Variants in GPRIN3 observed in about 807,000 individuals in gnomAD.
GPRIN3 encodes the protein GPRIN family member 3.
In GPRIN3, 12 loss-of-function variants were observed where a neutral mutation model predicts 13.7. That is an observed-to-expected ratio of 0.87 (90% confidence interval 0.56 to 1.42). The LOEUF (loss-of-function observed/expected upper bound fraction) is 1.42, where lower values mean the gene tolerates loss of function less well. Ranked by LOEUF, GPRIN3 falls within the 40% of genes most tolerant of loss-of-function variation. GPRIN3 has a pLI of 0.00. For synonymous variants in GPRIN3, 377 were observed against 372.7 expected (o/e 1.01, Z -0.13); for missense variants, 1,009 against 958.7 (o/e 1.05, Z -0.69).
chr4:89,268,788 G>A (rs1044720362), intron 1 of GPRIN3, among the ~76,000 whole-genome samples: 41 of 152,138 alleles, frequency 2.7e-4, no homozygotes, highest in African/African-American at 4.1e-4. Flanking sequence ...CATCATGTAG[G>A]TAGCTTGAAA....
At chr4:89,267,807 A>G (rs1252699566) in intron 1 of GPRIN3, among the ~76,000 whole-genome samples, 1 of 152,222 alleles carries the variant, frequency 6.6e-6, no homozygotes, top group Non-Finnish European at 1.5e-5. Context: ...GACATTAGAG[A>G]AACCTACACA....
chr4:89,269,879 A>G (rs1181450627), intron 1 of GPRIN3, among the ~76,000 whole-genome samples: 1 of 152,196 alleles, frequency 6.6e-6, no homozygotes, highest in East Asian at 1.9e-4. Flanking sequence ...CATCACACTA[A>G]GCTTTAAATC....
chr4:89,252,622 A>G (rs935713461), intron 1 of GPRIN3, among the ~76,000 whole-genome samples: 2 of 152,190 alleles, frequency 1.3e-5, no homozygotes, highest in African/African-American at 2.4e-5. Context: ...CTTTAGCTCA[A>G]TGTAATCCAG....
chr4:89,299,373 G>A lies in GPRIN3; in HGVS notation c.-124+8242C>T, dbSNP rs573792411. 5.9e-5 allele frequency among the ~76,000 whole-genome samples: 9 copies of A among 152,262 alleles called. 1 individual carries two copies. The highest frequency in any genetic ancestry group is 1.9e-4 in the African/African-American group (8 of 41,552). ...AGAAATAAAGTAGGAGGCACGAAGT[G>A]GGGGTGGTATGCAGCAAGTGTGCAT... is the stretch of plus-strand genomic sequence containing the variant. On this transcript the variant is annotated intron_variant, in intron 1 of 1. Coordinates refer to ENST00000609438, the MANE Select transcript of GPRIN3 (RefSeq NM_198281.3).
At chr4:89,254,128 G>T (rs201910346) in intron 1 of GPRIN3, among the ~76,000 whole-genome samples, 7 of 147,646 alleles carry the variant, frequency 4.7e-5, no homozygotes, top group African/African-American at 1.8e-4. Flanking sequence ...GTTGCATCTG[G>T]GTGTGTGTGT....
chr4:89,267,495 C>T (rs1214189428), intron 1 of GPRIN3, among the ~76,000 whole-genome samples: 1 of 152,082 alleles, frequency 6.6e-6, no homozygotes. Context: ...TAGTACTAAC[C>T]AGCTTTAGAA....
intron 1 of GPRIN3, among the ~76,000 whole-genome samples, chr4:89,274,507 G>T (rs1193914917): frequency 6.6e-6 from 1 of 152,136 alleles, no homozygotes; most frequent in Non-Finnish European, 1.5e-5. Flanking sequence ...TGGACAAAAG[G>T]GTAATTATTT....
At chr4:89,285,051 C>T (rs1419553599) in intron 1 of GPRIN3, among the ~76,000 whole-genome samples, 3 of 152,128 alleles carry the variant, frequency 2.0e-5, no homozygotes, top group Non-Finnish European at 2.9e-5. Flanking sequence ...TGTGGCCCCA[C>T]AGAGGAGTGA....
intron 1 of GPRIN3, among the ~76,000 whole-genome samples, chr4:89,261,166 C>G (rs1723611209): frequency 6.6e-6 from 1 of 152,042 alleles, no homozygotes; most frequent in Non-Finnish European, 1.5e-5. Flanking sequence ...AGTTTCTCAC[C>G]CTGGAACTAT....
chr4:89,267,498 C>G (rs1723812042), intron 1 of GPRIN3, among the ~76,000 whole-genome samples: 2 of 152,150 alleles, frequency 1.3e-5, no homozygotes, highest in African/African-American at 4.8e-5. Context: ...TACTAACCAG[C>G]TTTAGAAGGT....
chr4:89,297,174 T>A (rs1228171504), intron 1 of GPRIN3, among the ~76,000 whole-genome samples: 4 of 152,178 alleles, frequency 2.6e-5, no homozygotes, highest in Admixed American at 6.5e-5. Flanking sequence ...TATTTAGTAG[T>A]ACAAACCTCA....
rs1384471512 is a variant in GPRIN3, at chr4:89,239,837, T to C, written c.*7943A>G. ...CCACCATGCCCGGCTAGTTTTTGTATTTTTAGTAGAGACGGGGTTTTGCCA... is the reference window on the plus strand; with the variant it reads ...CCACCATGCCCGGCTAGTTTTTGTACTTTTAGTAGAGACGGGGTTTTGCCA... On this transcript the variant is annotated 3_prime_UTR_variant, in exon 2 of 2. Coordinates refer to ENST00000609438, the MANE Select transcript of GPRIN3 (RefSeq NM_198281.3). 2 of 152,064 alleles carry C rather than the reference T, an allele frequency of 1.3e-5. No individual in the cohort carries two copies. The highest frequency in any genetic ancestry group is 4.8e-5 in the African/African-American group (2 of 41,346). The allele number at this position is 152,064 out of a possible 1,614,324, so 9.4% of individuals were successfully genotyped here. A position where few individuals can be genotyped will look rare whatever the true frequency, so the allele number is the denominator to read the frequency against.
chr4:89,299,662 C>A (rs1724839671), intron 1 of GPRIN3, among the ~76,000 whole-genome samples: 1 of 152,162 alleles, frequency 6.6e-6, no homozygotes, highest in African/African-American at 2.4e-5. Context: ...GCAAACACAG[C>A]CTACTGTAAT....
Position 89,239,812 on chromosome 4 carries a change from C to T in GPRIN3, c.*7968G>A, listed in dbSNP as rs1722875360. On this transcript the variant is annotated 3_prime_UTR_variant, in exon 2 of 2. Coordinates refer to ENST00000609438, the MANE Select transcript of GPRIN3 (RefSeq NM_198281.3). ...GAGTAGCTGGGATTACAGGCACACA[C>T]CACCATGCCCGGCTAGTTTTTGTAT... 1 of 152,284 alleles carries T rather than the reference C, an allele frequency of 6.6e-6. No homozygotes were observed. The highest frequency in any genetic ancestry group is 1.5e-5 in the Non-Finnish European group (1 of 68,112). The allele number at this position is 152,284 out of a possible 1,614,324, so 9.4% of individuals were successfully genotyped here. A position where few individuals can be genotyped will look rare whatever the true frequency, so the allele number is the denominator to read the frequency against.
intron 1 of GPRIN3, among the ~76,000 whole-genome samples, chr4:89,256,895 A>G (rs1490356910): frequency 1.3e-5 from 2 of 152,188 alleles, no homozygotes; most frequent in African/African-American, 2.4e-5. Context: ...GCTCCCTTTA[A>G]TTGGGAACTT....
Position 89,248,093 on chromosome 4 carries a change from A to G in GPRIN3, c.2018T>C (p.Leu673Pro). The G allele has an allele frequency of 6.2e-7, 1 of 1,614,118 alleles. No homozygotes were observed. The highest frequency in any genetic ancestry group is 8.5e-7 in the Non-Finnish European group (1 of 1,180,012). Residue 673 changes from leucine (L) to proline (P), a missense_variant, in exon 2 of 2, where the codon CTC becomes CCC. Coordinates refer to ENST00000609438, the MANE Select transcript of GPRIN3 (RefSeq NM_198281.3). ...GACACGCTTGGACTGTTTCAGCTGG[A>G]GCTTGGAGTCTGCGCCAAGCTGCTT... is the stretch of plus-strand genomic sequence containing the variant. The part of the protein sequence containing the change: ...KKKQLGADSK[L>P]QLKQSKRVRD...
rs1031052389 is a variant in GPRIN3 at position 89,242,784 on chromosome 4, G to C, written c.*4996C>G. 1 of 152,082 alleles carries C rather than the reference G, an allele frequency of 6.6e-6. No individual in the cohort carries two copies. The highest frequency in any genetic ancestry group is 2.4e-5 in the African/African-American group (1 of 41,394). 9.4% of individuals were successfully genotyped at this position (152,082 alleles called of 1,614,324 possible). On this transcript the variant is annotated 3_prime_UTR_variant, in exon 2 of 2. Coordinates refer to ENST00000609438, the MANE Select transcript of GPRIN3 (RefSeq NM_198281.3). ...GTCTTTATTCTCATTATTAGTATCTGAGATATTTGTGTCTTAAAAAAACTT... is the reference window on the plus strand; with the variant it reads ...GTCTTTATTCTCATTATTAGTATCTCAGATATTTGTGTCTTAAAAAAACTT...
At chr4:89,284,011 A>C (rs1724331805) in intron 1 of GPRIN3, among the ~76,000 whole-genome samples, 1 of 152,206 alleles carries the variant, frequency 6.6e-6, no homozygotes, top group South Asian at 2.1e-4. Context: ...CCTCTGATTG[A>C]ATGCGAAGGA....
intron 1 of GPRIN3, among the ~76,000 whole-genome samples, chr4:89,295,165 A>G (rs931716188): frequency 6.6e-6 from 1 of 152,210 alleles, no homozygotes; most frequent in Non-Finnish European, 1.5e-5. Flanking sequence ...AGAATTAGAC[A>G]TTTCTAGCTA....
Sources: gnomAD v4.1 joint callset for allele counts (sites outside exome capture counted in the v4.1 genomes callset) on GRCh38, gnomAD v4.1.1 for gene constraint, MANE v1.5 for transcripts, NCBI Gene and HGNC (gene_info 2026-07-23, HGNC 2026-07-21) for gene names.